Variants in TMPRSS13 observed in about 807,000 individuals in gnomAD.
The protein encoded by TMPRSS13 is transmembrane serine protease 13.
In TMPRSS13, 50 loss-of-function variants were observed where a neutral mutation model predicts 68.4. That is an observed-to-expected ratio of 0.73 (90% CI 0.58 to 0.93). The LOEUF is 0.93. TMPRSS13 is among the 40% of genes least tolerant of loss of function. The probability of loss-of-function intolerance (pLI) is 0.00; values close to 1 mark genes in which losing one functional copy is unlikely to be tolerated. For missense variants in TMPRSS13, 615 were observed against 729.2 expected, an observed-to-expected ratio of 0.84 and a Z score of 1.80; for synonymous variants, 267 against 285.8, an observed-to-expected ratio of 0.93 and a Z score of 0.66.
At chr11:117,919,105 G>A (rs1237019793) in intron 1 of TMPRSS13, among the ~76,000 whole-genome samples, 1 of 152,186 alleles carries the variant, frequency 6.6e-6, no homozygotes. Flanking sequence ...CAAGTGCCCG[G>A]GGGTTGGGGG....
In TMPRSS13 at chr11:117,908,736, G is replaced by C; in HGVS notation, c.1158C>G (p.Ser386Arg). 6.2e-7 allele frequency: 1 copy of C among 1,609,366 alleles called. No homozygotes were observed. Reference sequence around the variant, plus strand: ...CTGCCTCAGGCAACTGGTGCAGGTTGCTGGTGCCCGCGTACACCTTCCAGC... The same window carrying C: ...CTGCCTCAGGCAACTGGTGCAGGTTCCTGGTGCCCGCGTACACCTTCCAGC... ...LEGWKVYAGT[S>R]NLHQLPEAAS... The change falls in exon 9 of 13, where the codon AGC becomes AGG. Residue 386 changes from serine to arginine, a missense_variant. Ser to Arg is a moderately radical substitution (Grantham distance 110, BLOSUM62 -1). Coordinates refer to ENST00000524993, the MANE Select transcript of TMPRSS13 (RefSeq NM_001077263.3).
At chr11:117,928,463 T>C (rs2057728817) in intron 1 of TMPRSS13, among the ~76,000 whole-genome samples, 1 of 152,184 alleles carries the variant, frequency 6.6e-6, no homozygotes. Flanking sequence ...GCTAGCCCAT[T>C]CTTCCCAGAG....
Position 117,908,605 on chromosome 11 carries a change from C to A in TMPRSS13, c.1282+7G>T. 1 of 1,556,048 alleles carries A rather than the reference C, an allele frequency of 6.4e-7. No individual in the cohort carries two copies. The highest frequency in any genetic ancestry group is 8.7e-7 in the Non-Finnish European group (1 of 1,150,428). ...GGCAGGAGAGCGGGGAGTGCAGATT[C>A]CCTCACCGGACAGGGTCAGGGGCTT... On this transcript the variant is annotated splice_region_variant and intron_variant, in intron 9 of 12. Transcript: ENST00000524993.
chr11:117,920,435 T>C (rs924892031), intron 1 of TMPRSS13, among the ~76,000 whole-genome samples: 5 of 151,824 alleles, frequency 3.3e-5, no homozygotes, highest in Non-Finnish European at 5.9e-5. Flanking sequence ...GCCTCCCAGG[T>C]TCAAGCTATT....
Position 117,918,587 on chromosome 11 carries a change from CGGAGATGCCCGGGCT to C in TMPRSS13, c.258_272del (p.Arg88_Ala92del), listed in dbSNP as rs777911089. ...AGGACCTGGAAAGTGATGCCAGAGC[CGGAGATGCCCGGGCT>C]GGAGATGCCTGGGCTGGAGATGCCT... On this transcript the variant is annotated inframe_deletion, in exon 2 of 13. Coordinates refer to ENST00000524993, the MANE Select transcript of TMPRSS13 (RefSeq NM_001077263.3). The C allele has an allele frequency of 2.2e-5, 36 of 1,612,562 alleles. No individual in the cohort carries two copies. Among genetic ancestry groups the C allele is most frequent in the African/African-American group, 1.9e-4 (14 of 74,540 alleles).
At chr11:117,905,559 C>T (rs2134877140) in intron 10 of TMPRSS13, 79 bp downstream of exon 10, 1 of 1,243,270 alleles carries the variant, frequency 8.0e-7, no homozygotes, top group Non-Finnish European at 1.1e-6. Flanking sequence ...TATACCCAGA[C>T]ACATTGCTTA....
At chr11:117,912,977 T>A (rs2057538376) in intron 5 of TMPRSS13, among the ~76,000 whole-genome samples, 1 of 152,082 alleles carries the variant, frequency 6.6e-6, no homozygotes. Flanking sequence ...ATTACTACCA[T>A]CCCCCTTTCA....
rs2057432390 is a variant in TMPRSS13, at chr11:117,903,702, A to G, written c.1630T>C (p.Tyr544His). ...GCGQRNKPGV[Y>H]TKVTEVLPWI... Reference sequence around the variant, plus strand: ...GGAAGAACTTCTGTCACTTTGGTGTACACACCAGGTTTGTTTCTCTGGCCA... The same window carrying G: ...GGAAGAACTTCTGTCACTTTGGTGTGCACACCAGGTTTGTTTCTCTGGCCA... Residue 544 changes from tyrosine to histidine, a missense_variant, in exon 12 of 13, where the codon TAC (tyrosine) becomes CAC (histidine). Physicochemically the swap from Tyr to His is moderately conservative, Grantham distance 83. Transcript: ENST00000524993. The G allele has an allele frequency of 6.2e-7, 1 of 1,613,970 alleles. No homozygotes were observed. The highest frequency in any genetic ancestry group is 1.7e-5 in the Admixed American group (1 of 59,982).
In TMPRSS13 at chr11:117,914,636, C is replaced by T. The variant is rs986072689; in HGVS notation, c.557-122G>A. 2.0e-5 allele frequency: 30 copies of T among 1,506,090 alleles called. No homozygotes were observed. The highest frequency in any genetic ancestry group is 2.6e-5 in the Non-Finnish European group (29 of 1,121,436). 93.3% of individuals were successfully genotyped at this position (1,506,090 alleles called of 1,614,324 possible). The stretch of plus-strand genomic sequence containing the variant: ...GCAATCCCTCTTGAACTCTGGGGCT[C>T]TCATCCCCCATCTGTATGGAGAGAA... On this transcript the variant is annotated intron_variant, in intron 3 of 12. Coordinates refer to ENST00000524993, the MANE Select transcript of TMPRSS13 (RefSeq NM_001077263.3). The surrounding 1 kb of genome is among the most constrained non-coding windows in gnomAD (Gnocchi z 4.2).
At position 117,909,808 on chromosome 11, in the gene TMPRSS13, GA is replaced by G. The variant is rs1565347283; in HGVS notation, c.1106del (p.Phe369SerfsTer2). The G allele has an allele frequency of 6.2e-7, 1 of 1,609,086 alleles. No homozygotes were observed. Among genetic ancestry groups the G allele is most frequent in the Admixed American group, 1.7e-5 (1 of 59,996 alleles). The part of the protein sequence containing the change: ...QWVLTAAHCF[F>X]VTREKVLEGW... Reference sequence around the variant, plus strand: ...TCACCTGCCTCTCAGGCACTTACACGAAGAAGCAGTGGGCGGCAGTGAGCAC... The same window carrying G: ...TCACCTGCCTCTCAGGCACTTACACGAGAAGCAGTGGGCGGCAGTGAGCAC... On this transcript the variant is annotated frameshift_variant, in exon 8 of 13. Transcript: ENST00000524993. LOFTEE classifies it high-confidence loss of function.
chr11:117,924,892 G>A (rs1399727762), intron 1 of TMPRSS13, among the ~76,000 whole-genome samples: 1 of 152,230 alleles, frequency 6.6e-6, no homozygotes, highest in South Asian at 2.1e-4. Flanking sequence ...ACAGCTCAGG[G>A]ACTTGGGTCA....
At position 117,922,859 on chromosome 11, in the gene TMPRSS13, C is replaced by A. The variant is rs1434066037; in HGVS notation, c.22-4021G>T. On this transcript the variant is annotated intron_variant, in intron 1 of 12. Transcript: ENST00000524993. This position sits in a 1 kb window ranked among gnomAD's most constrained non-coding sequence, Gnocchi z 4.2. The stretch of plus-strand genomic sequence containing the variant: ...TCTGAGGTTACCCCCTGCAGTAACA[C>A]AATTGTAAGCCCTTACCATGACATG... Among the ~76,000 whole-genome samples the A allele has an allele frequency of 6.6e-6, 1 of 152,218 alleles. No homozygotes were observed. The highest frequency in any genetic ancestry group is 1.5e-5 in the Non-Finnish European group (1 of 68,034).
At chr11:117,919,167 G>A (rs980058025) in intron 1 of TMPRSS13, among the ~76,000 whole-genome samples, 12 of 152,192 alleles carry the variant, frequency 7.9e-5, no homozygotes, top group African/African-American at 2.7e-4. Flanking sequence ...AGAGGCTGCT[G>A]GGTTGGTCAC....
chr11:117,905,914 G>A (rs568626951), intron 9 of TMPRSS13, among the ~76,000 whole-genome samples, 178 bp from the exon 10 acceptor site: 9 of 152,246 alleles, frequency 5.9e-5, no homozygotes, highest in Admixed American at 4.6e-4. Flanking sequence ...CATGAAACTC[G>A]ATCACTTTAT....
intron 8 of TMPRSS13, 64 bp downstream of exon 8, chr11:117,909,742 C>A: frequency 6.5e-7 from 1 of 1,547,478 alleles, no homozygotes; most frequent in Non-Finnish European, 8.7e-7. Flanking sequence ...CAGTCTGCAG[C>A]CAGCCCTTCC....
chr11:117,912,263 T>C (rs1332815400), intron 5 of TMPRSS13, among the ~76,000 whole-genome samples: 1 of 152,168 alleles, frequency 6.6e-6, no homozygotes, highest in Non-Finnish European at 1.5e-5. Context: ...GAAACACCAA[T>C]CTTGCCCTTT....
At chr11:117,916,410 C>A (rs563012969) in intron 3 of TMPRSS13, among the ~76,000 whole-genome samples, 1 of 152,368 alleles carries the variant, frequency 6.6e-6, no homozygotes, top group South Asian at 2.1e-4. Context: ...AGAAGCTATC[C>A]CCTGCATCCA....
intron 1 of TMPRSS13, among the ~76,000 whole-genome samples, chr11:117,925,001 C>T (rs542519507): frequency 6.6e-6 from 1 of 152,334 alleles, no homozygotes; most frequent in East Asian, 1.9e-4. Context: ...TGCTCCTAGG[C>T]CGCCGTGTGA....
intron 1 of TMPRSS13, among the ~76,000 whole-genome samples, chr11:117,926,872 A>G (rs916213274): frequency 6.7e-6 from 1 of 148,178 alleles, no homozygotes; most frequent in African/African-American, 2.4e-5. Context: ...CTCCATCTCT[A>G]TCTATCTATC....
Sources: gnomAD v4.1 joint callset for allele counts (sites outside exome capture counted in the v4.1 genomes callset) on GRCh38, gnomAD v4.1.1 for gene constraint, Gnocchi (gnomAD v3.1) non-coding constraint, MANE v1.5 for transcripts, NCBI Gene and HGNC (gene_info 2026-07-23, HGNC 2026-07-21) for gene names.